RSRC1: variants seen among roughly 807,000 people sequenced by gnomAD.
The protein encoded by RSRC1 is arginine and serine rich coiled-coil 1.
In RSRC1, 39 loss-of-function variants were observed where a neutral mutation model predicts 49.1. The observed-to-expected ratio is 0.79, with a 90% CI of 0.61 to 1.04. The LOEUF (loss-of-function observed/expected upper bound fraction) is 1.04, where lower values mean the gene tolerates loss of function less well. RSRC1 is among the 50% of genes least tolerant of loss of function. The pLI, the probability that RSRC1 is intolerant of heterozygous loss-of-function variation, is 0.00. For missense variants in RSRC1, 388 were observed against 402.4 expected (o/e 0.96, Z 0.31); for synonymous variants, 143 against 130.8 (o/e 1.09, Z -0.63).
intron 6 of RSRC1, among the ~76,000 whole-genome samples, chr3:158,379,709 G>C (rs1202163035): frequency 1.3e-5 from 2 of 151,616 alleles, no homozygotes; most frequent in Non-Finnish European, 2.9e-5. Flanking sequence ...TCCCCAAATA[G>C]CTATAGTACC....
intron 6 of RSRC1, among the ~76,000 whole-genome samples, chr3:158,453,503 C>T (rs765046374): frequency 6.6e-6 from 1 of 151,684 alleles, no homozygotes; most frequent in Non-Finnish European, 1.5e-5. Flanking sequence ...GCTTCAGCCT[C>T]CCAAGTAGCT....
chr3:158,333,489 A>G (rs1729681120), intron 5 of RSRC1, among the ~76,000 whole-genome samples: 1 of 152,228 alleles, frequency 6.6e-6, no homozygotes, highest in Non-Finnish European at 1.5e-5. Context: ...GAAATAAAGT[A>G]TGTGTTTGAT....
intron 4 of RSRC1, among the ~76,000 whole-genome samples, chr3:158,263,724 T>G (rs796755606): frequency 6.6e-6 from 1 of 152,166 alleles, no homozygotes; most frequent in East Asian, 1.9e-4. Flanking sequence ...CTCAGTTTCT[T>G]ATCAAATTGC....
intron 6 of RSRC1, among the ~76,000 whole-genome samples, chr3:158,443,805 A>G (rs756423149): frequency 9.2e-5 from 14 of 152,094 alleles, no homozygotes; most frequent in Admixed American, 2.0e-4. Flanking sequence ...GGCTTTTCAT[A>G]TGAAGTGAGA....
At position 158,324,732 on chromosome 3, in the gene RSRC1, C is replaced by T. The variant is rs190611331; in HGVS notation, c.531+26657C>T. ...CTTTATAGCAGCATGATTTATAATC[C>T]TTTGGGTATATACCCAGTAATGAGA... is the stretch of plus-strand genomic sequence containing the variant. On this transcript the variant is annotated intron_variant, in intron 5 of 9. Coordinates refer to ENST00000611884, the MANE Select transcript of RSRC1 (RefSeq NM_001271838.2). 3.9e-3 allele frequency among the ~76,000 whole-genome samples: 589 copies of T among 152,232 alleles called. 5 individuals carry two copies. Among genetic ancestry groups the T allele is most frequent in the African/African-American group, 0.013 (554 of 41,528 alleles).
intron 7 of RSRC1, among the ~76,000 whole-genome samples, chr3:158,470,253 G>C: frequency 6.6e-6 from 1 of 151,338 alleles, no homozygotes; most frequent in East Asian, 1.9e-4. Context: ...TTTAGAGTGG[G>C]TATCCAAGAA....
Position 158,196,193 on chromosome 3 carries a change from T to C in RSRC1, c.321-6879T>C, listed in dbSNP as rs557855355. Reference sequence around the variant, plus strand: ...TTTCGTTGAGCAGTGTGGTTTGTAGTTCTCCTTGAAGAGGTCCTTCACATC... The same window carrying C: ...TTTCGTTGAGCAGTGTGGTTTGTAGCTCTCCTTGAAGAGGTCCTTCACATC... On this transcript the variant is annotated intron_variant, in intron 3 of 9. Transcript: ENST00000611884. Among the ~76,000 whole-genome samples, 397 of 152,028 alleles carry C rather than the reference T, an allele frequency of 2.6e-3. 5 individuals carry two copies. Among genetic ancestry groups the C allele is most frequent in the Non-Finnish European group, 3.8e-3 (261 of 67,974 alleles).
chr3:158,376,852 C>A (rs1349668411), intron 6 of RSRC1, among the ~76,000 whole-genome samples: 2 of 108,108 alleles, frequency 1.8e-5, no homozygotes, highest in African/African-American at 7.8e-5. Context: ...GATTTCAATT[C>A]TTTTACATTT....
intron 7 of RSRC1, among the ~76,000 whole-genome samples, chr3:158,484,368 A>G (rs1043712325): frequency 1.3e-5 from 2 of 152,162 alleles, no homozygotes; most frequent in Non-Finnish European, 2.9e-5. Flanking sequence ...CAGAAAGAAT[A>G]AATGAGTACA....
chr3:158,238,254 G>T lies in RSRC1; in HGVS notation c.494+35009G>T, dbSNP rs1269221551. 2.6e-5 allele frequency among the ~76,000 whole-genome samples: 4 copies of T among 152,286 alleles called. No individual in the cohort carries two copies. The East Asian group carries it at 7.7e-4, about 29-fold the overall frequency. ...AATGAAAGAACATTCCATGCTCATG[G>T]ATAGAAGAATCAATATCGTGAAAAT... On this transcript the variant is annotated intron_variant, in intron 4 of 9. Transcript: ENST00000611884.
chr3:158,128,481 A>AT (rs1001932448), intron 3 of RSRC1, among the ~76,000 whole-genome samples: 17 of 152,222 alleles, frequency 1.1e-4, no homozygotes, highest in African/African-American at 3.9e-4. Flanking sequence ...TGCCATCATC[A>AT]TTCTCAAGTT....
intron 3 of RSRC1, among the ~76,000 whole-genome samples, chr3:158,178,700 A>C (rs886981849): frequency 3.3e-5 from 5 of 152,024 alleles, no homozygotes; most frequent in African/African-American, 1.2e-4. Flanking sequence ...TGATCATTGG[A>C]ATTTTTTGGG....
chr3:158,379,836 A>ACACACACACC (rs1027981758), intron 6 of RSRC1, among the ~76,000 whole-genome samples: 2 of 143,964 alleles, frequency 1.4e-5, no homozygotes, highest in East Asian at 4.1e-4. Context: ...ACACACACAC[A>ACACACACACC]CCCTCCCTCC....
At chr3:158,229,559 G>T (rs1722835836) in intron 4 of RSRC1, among the ~76,000 whole-genome samples, 1 of 148,334 alleles carries the variant, frequency 6.7e-6, no homozygotes. Flanking sequence ...TTTTTTTAGA[G>T]CTGTCAAATT....
chr3:158,490,327 A>G (rs1578538758), intron 7 of RSRC1, among the ~76,000 whole-genome samples: 1 of 151,946 alleles, frequency 6.6e-6, no homozygotes, highest in South Asian at 2.1e-4. Flanking sequence ...CTCATGATCC[A>G]CCCACCTCAC....
At chr3:158,312,491 A>G (rs184846749) in intron 5 of RSRC1, among the ~76,000 whole-genome samples, 1 of 152,342 alleles carries the variant, frequency 6.6e-6, no homozygotes, top group East Asian at 1.9e-4. Flanking sequence ...GCAGGTGCCA[A>G]ATAAATATAT....
At chr3:158,428,423 C>G (rs919475738) in intron 6 of RSRC1, among the ~76,000 whole-genome samples, 1 of 151,816 alleles carries the variant, frequency 6.6e-6, no homozygotes, top group Non-Finnish European at 1.5e-5. Flanking sequence ...GCTGAACAAC[C>G]TGACTCTGCA....
intron 6 of RSRC1, among the ~76,000 whole-genome samples, chr3:158,362,863 C>T (rs10936132): frequency 0.22 from 33,447 of 152,132 alleles, 4,273 homozygotes; most frequent in Non-Finnish European, 0.29. Context: ...TATTTTTTAT[C>T]AGTATGAGAA....
intron 3 of RSRC1, among the ~76,000 whole-genome samples, chr3:158,187,404 G>A (rs565324816): frequency 6.6e-6 from 1 of 152,102 alleles, no homozygotes; most frequent in South Asian, 2.1e-4. Flanking sequence ...TATAGTAAAG[G>A]GGAGATTGGT....
Sources: gnomAD v4.1 joint callset for allele counts (sites outside exome capture counted in the v4.1 genomes callset) on GRCh38, gnomAD v4.1.1 for gene constraint, MANE v1.5 for transcripts, NCBI Gene and HGNC (gene_info 2026-07-23, HGNC 2026-07-21) for gene names.